Variants in DOCK2 observed in about 807,000 individuals in gnomAD.
The protein encoded by DOCK2 is dedicator of cytokinesis protein 2.
In DOCK2, 87 loss-of-function variants were observed where a neutral mutation model predicts 248.9. The ratio of observed to expected loss-of-function variants is 0.35; its 90% CI spans 0.29 to 0.42. The LOEUF (loss-of-function observed/expected upper bound fraction) is 0.42. Ranked by LOEUF, DOCK2 falls within the 10% of genes least tolerant of loss-of-function variation. The probability of loss-of-function intolerance (pLI) is 1.00; values close to 1 mark genes in which losing one functional copy is unlikely to be tolerated. For missense variants in DOCK2, 1,747 were observed against 2,300.2 expected (o/e 0.76, Z 4.92); for synonymous variants, 805 against 821.6 (o/e 0.98, Z 0.35).
At chr5:169,935,005 G>T in intron 27 of DOCK2, 1 of 261,428 alleles carries the variant, frequency 3.8e-6, no homozygotes, top group South Asian at 4.0e-5. Context: ...CATACTGACT[G>T]CAGCCATCTA....
chr5:169,892,672 C>T (rs1297017892), intron 27 of DOCK2, among the ~76,000 whole-genome samples: 1 of 152,140 alleles, frequency 6.6e-6, no homozygotes, highest in Non-Finnish European at 1.5e-5. Context: ...CTACCATCTA[C>T]CTCTACCTCC....
rs563162190 is a variant in DOCK2 at position 169,804,481 on chromosome 5, T to C, written c.2703+1275T>C. ...GTGTGTGTGTGTGTGTGTGTGTGTG[T>C]GTGTGCGCGCGCGCGTGCGCGTAAG... On this transcript the variant is annotated intron_variant, in intron 26 of 51. Transcript: ENST00000520908. 4.1e-3 allele frequency among the ~76,000 whole-genome samples: 262 copies of C among 63,878 alleles called. 2 individuals are homozygous for C. The highest frequency in any genetic ancestry group is 9.8e-3 in the African/African-American group (253 of 25,910). The allele number at this position is 63,878 out of a possible 152,430, so 41.9% of individuals were successfully genotyped here.
intron 25 of DOCK2, among the ~76,000 whole-genome samples, chr5:169,780,465 G>A (rs926604413): frequency 2.6e-5 from 4 of 152,150 alleles, no homozygotes; most frequent in African/African-American, 7.2e-5. Flanking sequence ...CAGCTTCTGG[G>A]CAGGTTGACG....
At chr5:170,057,797 TC>T in intron 44 of DOCK2, 131 bp downstream of exon 44, 1 of 765,456 alleles carries the variant, frequency 1.3e-6, no homozygotes, top group Non-Finnish European at 2.0e-6. Flanking sequence ...GTCCCAGAAT[TC>T]CCATGCAGGC....
At chr5:170,028,740 AACACAC>A (rs59193270) in intron 34 of DOCK2, among the ~76,000 whole-genome samples, 21,735 of 148,638 alleles carry the variant, frequency 0.15, 3,025 homozygotes, top group African/African-American at 0.37. Flanking sequence ...CTGCTCTGCC[AACACAC>A]ACACACACAC....
At position 169,669,316 on chromosome 5, in the gene DOCK2, C is replaced by A. The variant is rs1758910112; in HGVS notation, c.156C>A (p.His52Gln). Residue 52 changes from histidine to glutamine, a missense_variant, in exon 3 of 52, where the codon CAC (histidine) becomes CAA (glutamine). By Grantham distance (24) the His-to-Gln change is conservative. This residue lies in a region of DOCK2 where 375 missense variants were observed against 510.9 expected (regional missense o/e 0.73). Transcript: ENST00000520908. ...GGTATAGGGGATACCTCATAAAGCA[C>A]AAAATGTTACAGGTAAGGTCACCTG... Reference protein sequence around the residue: ...GDWYRGYLIKHKMLQGIFPKS... With the variant: ...GDWYRGYLIKQKMLQGIFPKS... 1.2e-6 allele frequency: 2 copies of A among 1,613,978 alleles called. No homozygotes were observed. Among genetic ancestry groups the A allele is most frequent in the South Asian group, 2.2e-5 (2 of 91,074 alleles).
intron 11 of DOCK2, 27 bp downstream of exon 11, chr5:169,698,476 T>A (rs754160515): frequency 6.2e-7 from 1 of 1,612,054 alleles, no homozygotes; most frequent in Non-Finnish European, 8.5e-7. Flanking sequence ...TTCTTTCCAT[T>A]CTCTTCAACC....
At position 169,985,364 on chromosome 5, in the gene DOCK2, T is replaced by C. The variant is rs919684701; in HGVS notation, c.2899-464T>C. Among the ~76,000 whole-genome samples the C allele has an allele frequency of 2.8e-4, 42 of 149,098 alleles. No individual in the cohort carries two copies. In the East Asian group the frequency reaches 5.5e-3, roughly 19 times the overall value. ...TAATCTGCTCGTGTGTGTGTGTGTG[T>C]GTGTGTGTGTGTGTGTGTGTGTGTG... is the stretch of plus-strand genomic sequence containing the variant. On this transcript the variant is annotated intron_variant, in intron 28 of 51. Transcript: ENST00000520908.
chr5:169,858,757 C>G (rs1338413080), intron 27 of DOCK2, among the ~76,000 whole-genome samples: 3 of 152,060 alleles, frequency 2.0e-5, no homozygotes, highest in African/African-American at 7.2e-5. Context: ...AATCCCAGCA[C>G]TTTGGGAGGT....
At chr5:170,028,590 G>A (rs957837461) in intron 34 of DOCK2, 7 of 154,214 alleles carry the variant, frequency 4.5e-5, no homozygotes, top group African/African-American at 1.7e-4. Flanking sequence ...TTATCGAGAT[G>A]TAATTTACAT....
intron 12 of DOCK2, 91 bp downstream of exon 12, chr5:169,699,549 A>G: frequency 7.9e-7 from 1 of 1,262,490 alleles, no homozygotes; most frequent in Non-Finnish European, 1.1e-6. Context: ...GAACCCTGGG[A>G]TACTTAGCTT....
chr5:169,653,794 T>C (rs36101422), intron 1 of DOCK2, among the ~76,000 whole-genome samples: 9,485 of 152,278 alleles, frequency 0.062, 407 homozygotes, highest in South Asian at 0.16. Flanking sequence ...GCCCTGGCTG[T>C]CTAATTCTAC....
At chr5:169,947,096 A>G (rs1034235726) in intron 27 of DOCK2, among the ~76,000 whole-genome samples, 11 of 152,192 alleles carry the variant, frequency 7.2e-5, no homozygotes, top group African/African-American at 2.7e-4. Flanking sequence ...ACACAACACT[A>G]TGACTCCCTG....
intron 27 of DOCK2, among the ~76,000 whole-genome samples, chr5:169,955,446 T>C (rs2113733702): frequency 6.6e-6 from 1 of 152,254 alleles, no homozygotes; most frequent in East Asian, 1.9e-4. Flanking sequence ...CCCTGGACAG[T>C]ACGTGCTGTC....
intron 22 of DOCK2, among the ~76,000 whole-genome samples, chr5:169,724,161 G>C (rs1007443745): frequency 6.6e-6 from 1 of 152,166 alleles, no homozygotes; most frequent in South Asian, 2.1e-4. Flanking sequence ...GAGGGAGGGC[G>C]ACTCTGACTG....
At chr5:169,697,545 G>A (rs978266915) in intron 10 of DOCK2, among the ~76,000 whole-genome samples, 2 of 152,190 alleles carry the variant, frequency 1.3e-5, no homozygotes, top group South Asian at 2.1e-4. Flanking sequence ...GAGCCAAAGG[G>A]AAATTGCCCT....
At chr5:169,901,690 G>T (rs975830462) in intron 27 of DOCK2, among the ~76,000 whole-genome samples, 1 of 152,188 alleles carries the variant, frequency 6.6e-6, no homozygotes, top group Non-Finnish European at 1.5e-5. Context: ...GAGGCGGAAA[G>T]ATGTAGAGAA....
At chr5:169,812,019 C>G (rs778122323) in intron 26 of DOCK2, among the ~76,000 whole-genome samples, 5 of 152,214 alleles carry the variant, frequency 3.3e-5, no homozygotes, top group African/African-American at 7.2e-5. Context: ...AATTCTAGCT[C>G]TGCTGTTATT....
intron 2 of DOCK2, among the ~76,000 whole-genome samples, chr5:169,662,089 G>T (rs1177845919): frequency 6.6e-6 from 1 of 152,120 alleles, no homozygotes; most frequent in Non-Finnish European, 1.5e-5. Flanking sequence ...CAGTGTAGAA[G>T]AGTTCCCCTT....
Sources: allele counts gnomAD v4.1 joint callset (sites outside exome capture counted in the v4.1 genomes callset), GRCh38; gene constraint gnomAD v4.1.1; regional missense constraint gnomAD v4.1.1; transcripts MANE v1.5; gene names NCBI Gene and HGNC (gene_info 2026-07-23, HGNC 2026-07-21).